Variants in TNRC6B observed in about 807,000 individuals in gnomAD.
The protein encoded by TNRC6B is trinucleotide repeat-containing gene 6B protein.
In TNRC6B, 52 loss-of-function variants were observed where a neutral mutation model predicts 203.6. That is an observed-to-expected ratio of 0.26 (90% confidence interval 0.20 to 0.32). The LOEUF is 0.32. Ranked by LOEUF, TNRC6B falls within the 10% of genes least tolerant of loss-of-function variation. The pLI, the probability that TNRC6B is intolerant of heterozygous loss-of-function variation, is 1.00. For missense variants in TNRC6B, 1,923 were observed against 2,286.2 expected (o/e 0.84, Z 3.24); for synonymous variants, 838 against 845.7 (o/e 0.99, Z 0.16).
At chr22:40,059,973 C>A (rs2067835485) in intron 1 of TNRC6B, among the ~76,000 whole-genome samples, 1 of 151,570 alleles carries the variant, frequency 6.6e-6, no homozygotes, top group Non-Finnish European at 1.5e-5. Flanking sequence ...CAGGCACACA[C>A]CACCATTGCC....
chr22:40,146,593 G>A (rs1012502602), intron 3 of TNRC6B, among the ~76,000 whole-genome samples: 1 of 126,096 alleles, frequency 7.9e-6, no homozygotes, highest in Admixed American at 9.1e-5. Context: ...TTGAGATGGA[G>A]TCTCGCTCTG....
chr22:40,123,092 A>G (rs913914403), intron 2 of TNRC6B, among the ~76,000 whole-genome samples: 2 of 152,160 alleles, frequency 1.3e-5, no homozygotes, highest in African/African-American at 2.4e-5. Flanking sequence ...CCATTCTAAC[A>G]TGTTGGAAAA....
chr22:40,172,956 A>C (rs1279531883), upstream of TNRC6B, among the ~76,000 whole-genome samples: 2 of 152,230 alleles, frequency 1.3e-5, no homozygotes, highest in Non-Finnish European at 2.9e-5. Context: ...AAAGTTACAT[A>C]TAATTCTAGC....
chr22:40,134,171 T>G (rs1019830728), intron 3 of TNRC6B, among the ~76,000 whole-genome samples: 3 of 152,156 alleles, frequency 2.0e-5, no homozygotes, highest in Non-Finnish European at 2.9e-5. Flanking sequence ...AGCATAACTT[T>G]CCACTCTTAA....
At chr22:40,140,049 C>A (rs986734143) in intron 3 of TNRC6B, among the ~76,000 whole-genome samples, 4 of 152,148 alleles carry the variant, frequency 2.6e-5, no homozygotes, top group African/African-American at 4.8e-5. Context: ...CATACATTTC[C>A]ATGTGGTTAT....
chr22:40,152,346 G>A (rs1213476605), intron 3 of TNRC6B, among the ~76,000 whole-genome samples: 1 of 152,164 alleles, frequency 6.6e-6, no homozygotes, highest in Non-Finnish European at 1.5e-5. Flanking sequence ...TTTTGTTTTT[G>A]TGATGGAGTC....
At chr22:40,258,910 G>T (rs2070328640) in intron 3 of TNRC6B, among the ~76,000 whole-genome samples, 4 of 152,118 alleles carry the variant, frequency 2.6e-5, no homozygotes, top group Admixed American at 2.0e-4. Flanking sequence ...ATGTCTTGTT[G>T]TTTTTCTGGA....
intron 1 of TNRC6B, among the ~76,000 whole-genome samples, chr22:40,224,553 C>T (rs930715626): frequency 2.0e-5 from 3 of 152,088 alleles, no homozygotes; most frequent in South Asian, 2.1e-4. Context: ...TATCATAATA[C>T]TTGTTTTGAA....
intron 1 of TNRC6B, among the ~76,000 whole-genome samples, chr22:40,104,790 A>G (rs1328764861): frequency 6.6e-6 from 1 of 152,142 alleles, no homozygotes; most frequent in Non-Finnish European, 1.5e-5. Context: ...AATTTTACAT[A>G]TGTTTACTCA....
At chr22:40,108,374 G>A (rs899076687) in intron 1 of TNRC6B, among the ~76,000 whole-genome samples, 1 of 152,202 alleles carries the variant, frequency 6.6e-6, no homozygotes, top group African/African-American at 2.4e-5. Flanking sequence ...TTATAGGTGA[G>A]CTGTTAAGAG....
intron 1 of TNRC6B, among the ~76,000 whole-genome samples, chr22:40,116,000 T>C (rs536344601): frequency 6.6e-6 from 1 of 152,336 alleles, no homozygotes; most frequent in East Asian, 1.9e-4. Context: ...CTGAGATGTA[T>C]TGATTCAAAC....
intron 1 of TNRC6B, among the ~76,000 whole-genome samples, chr22:40,229,105 A>G (rs1374698073): frequency 6.6e-6 from 1 of 152,232 alleles, no homozygotes; most frequent in Non-Finnish European, 1.5e-5. Context: ...TAATATAGGT[A>G]TTACTGATCG....
At chr22:40,209,548 C>G (rs2069531693) in intron 1 of TNRC6B, among the ~76,000 whole-genome samples, 1 of 152,112 alleles carries the variant, frequency 6.6e-6, no homozygotes, top group African/African-American at 2.4e-5. Context: ...CCCTGGCTTC[C>G]CAGAATGGTG....
intron 3 of TNRC6B, among the ~76,000 whole-genome samples, chr22:40,128,145 T>C (rs1391543634): frequency 6.6e-6 from 1 of 152,206 alleles, no homozygotes; most frequent in Non-Finnish European, 1.5e-5. Context: ...TGTTATAAAT[T>C]AGATTATAAC....
At position 40,266,336 on chromosome 22, in the gene TNRC6B, G is replaced by A. The variant is rs1569045405; in HGVS notation, c.2106G>A (p.Lys702=). Residue 702 remains lysine (K), a synonymous_variant, in exon 5 of 23, where the codon AAG becomes AAA. Coordinates refer to ENST00000454349, the MANE Select transcript of TNRC6B (RefSeq NM_001162501.2). ...ACACAGGAGGCTGGAATGACTACAA[G>A]AACAACAACTCTTCCAACTGGGGAG... ...PKNTGGWNDY[K]NNNSSNWGGG... The A allele has an allele frequency of 6.2e-7, 1 of 1,606,136 alleles. No individual in the cohort carries two copies. The highest frequency in any genetic ancestry group is 1.1e-5 in the South Asian group (1 of 89,740).
At chr22:40,272,530 A>C (rs1161386482) in intron 6 of TNRC6B, among the ~76,000 whole-genome samples, 1 of 152,242 alleles carries the variant, frequency 6.6e-6, no homozygotes, top group African/African-American at 2.4e-5. Flanking sequence ...AGAGGTGCAG[A>C]TGGAAGTTTC....
At chr22:40,165,882 A>G (rs1467110294) in intron 4 of TNRC6B, among the ~76,000 whole-genome samples, 3 of 152,172 alleles carry the variant, frequency 2.0e-5, no homozygotes, top group Non-Finnish European at 4.4e-5. Context: ...CATGGAGATT[A>G]TGGGAACTAC....
intron 1 of TNRC6B, among the ~76,000 whole-genome samples, chr22:40,242,831 T>C (rs2070050441): frequency 6.6e-6 from 1 of 152,158 alleles, no homozygotes; most frequent in South Asian, 2.1e-4. Flanking sequence ...TGTCCATTGC[T>C]CTTTGCTTGG....
intron 11 of TNRC6B, among the ~76,000 whole-genome samples, chr22:40,284,621 TAGAA>T (rs1347406671): frequency 2.0e-5 from 3 of 152,192 alleles, no homozygotes; most frequent in African/African-American, 4.8e-5. Flanking sequence ...GATTTAACAG[TAGAA>T]AGACAGAATG....
Sources: gnomAD v4.1 joint callset for allele counts (sites outside exome capture counted in the v4.1 genomes callset) on GRCh38, gnomAD v4.1.1 for gene constraint, MANE v1.5 for transcripts, NCBI Gene and HGNC (gene_info 2026-07-23, HGNC 2026-07-21) for gene names.